NELL2: variants seen among roughly 807,000 people sequenced by gnomAD.
NELL2 encodes the protein neural EGFL like 2.
In NELL2, 41 loss-of-function variants were observed where a neutral mutation model predicts 109.6. That is an observed-to-expected ratio of 0.37 (90% CI 0.29 to 0.49). The LOEUF is 0.49. Ranked by LOEUF, NELL2 falls within the 20% of genes least tolerant of loss-of-function variation. NELL2 has a pLI of 0.98. For synonymous variants in NELL2, 355 were observed against 344.7 expected (o/e 1.03, Z -0.33); for missense variants, 900 against 1,008.3 (o/e 0.89, Z 1.45).
intron 15 of NELL2, among the ~76,000 whole-genome samples, chr12:44,555,331 A>C (rs768461422): frequency 1.3e-5 from 2 of 152,182 alleles, no homozygotes; most frequent in Non-Finnish European, 2.9e-5. Context: ...CTGGTTTTAT[A>C]GCTATTTTGG....
At chr12:44,536,885 G>A (rs1290632879) in intron 15 of NELL2, among the ~76,000 whole-genome samples, 3 of 151,816 alleles carry the variant, frequency 2.0e-5, no homozygotes, top group East Asian at 1.9e-4. Flanking sequence ...TCATACTCTG[G>A]GGATCAGTAT....
At chr12:44,518,541 G>A (rs779973706) in intron 19 of NELL2, among the ~76,000 whole-genome samples, 8 of 152,108 alleles carry the variant, frequency 5.3e-5, no homozygotes, top group Admixed American at 2.0e-4. Context: ...CACCGTGCCC[G>A]GCCTCATTCA....
chr12:44,691,247 C>T (rs1156420760), intron 12 of NELL2, among the ~76,000 whole-genome samples: 2 of 152,156 alleles, frequency 1.3e-5, no homozygotes, highest in Non-Finnish European at 2.9e-5. Context: ...TTCATGTCTC[C>T]ATGTCACGTT....
intron 2 of NELL2, among the ~76,000 whole-genome samples, chr12:44,847,659 A>G (rs561149869): frequency 1.3e-5 from 2 of 151,880 alleles, no homozygotes; most frequent in South Asian, 4.2e-4. Flanking sequence ...TTTTTAACCC[A>G]CTCCATGCAA....
chr12:44,856,126 G>T (rs966199783), intron 2 of NELL2, among the ~76,000 whole-genome samples: 1 of 152,216 alleles, frequency 6.6e-6, no homozygotes, highest in Non-Finnish European at 1.5e-5. Flanking sequence ...GCTACAAGAA[G>T]AAACAATGCA....
chr12:44,681,289 T>TA (rs199930139), intron 12 of NELL2, among the ~76,000 whole-genome samples: 3,631 of 150,444 alleles, frequency 0.024, 139 homozygotes, highest in African/African-American at 0.082. Context: ...GTTTTTTTTT[T>TA]AACGTTGAAA....
chr12:44,795,081 C>T (rs1285176902), intron 3 of NELL2, among the ~76,000 whole-genome samples: 2 of 152,076 alleles, frequency 1.3e-5, no homozygotes, highest in African/African-American at 4.8e-5. Flanking sequence ...TTTTAACAAC[C>T]TCCTTCATCA....
At chr12:44,869,529 T>C (rs1945103357) in intron 2 of NELL2, among the ~76,000 whole-genome samples, 1 of 152,156 alleles carries the variant, frequency 6.6e-6, no homozygotes, top group Non-Finnish European at 1.5e-5. Context: ...AGCAGCAATT[T>C]TACTGCCATA....
chr12:44,913,390 A>G (rs867359876), intron 1 of NELL2, among the ~76,000 whole-genome samples: 8 of 152,232 alleles, frequency 5.3e-5, no homozygotes, highest in Non-Finnish European at 1.0e-4. Context: ...TTTTTTCTTT[A>G]TACTTCTTCC....
At chr12:44,622,681 G>A (rs1946102071) in intron 13 of NELL2, among the ~76,000 whole-genome samples, 1 of 152,106 alleles carries the variant, frequency 6.6e-6, no homozygotes, top group South Asian at 2.1e-4. Flanking sequence ...AGTTGGATCA[G>A]ATACTACTTT....
At chr12:44,617,215 G>GA (rs1945852565) in intron 13 of NELL2, among the ~76,000 whole-genome samples, 1 of 152,028 alleles carries the variant, frequency 6.6e-6, no homozygotes, top group South Asian at 2.1e-4. Flanking sequence ...AGATAAAGTA[G>GA]AAAAAATGAG....
chr12:44,528,056 T>C (rs1028480784), intron 16 of NELL2, among the ~76,000 whole-genome samples: 9 of 114,750 alleles, frequency 7.8e-5, no homozygotes, highest in East Asian at 3.0e-4. Context: ...CGAGATCGCC[T>C]CACTGCACTC....
At chr12:44,912,625 C>T (rs1454830291) in intron 1 of NELL2, among the ~76,000 whole-genome samples, 1 of 152,132 alleles carries the variant, frequency 6.6e-6, no homozygotes, top group African/African-American at 2.4e-5. Flanking sequence ...CACCACATGA[C>T]ATCATTTATT....
rs184136700 is a variant in NELL2 at position 44,514,642 on chromosome 12, T to C, written c.2400+5363A>G. 4.6e-3 allele frequency among the ~76,000 whole-genome samples: 696 copies of C among 151,750 alleles called. 3 individuals carry two copies. The highest frequency in any genetic ancestry group is 6.6e-3 in the Non-Finnish European group (449 of 67,716). Reference sequence around the variant, plus strand: ...ATAGTGTTTAATAAGGTTCAGTATATTGTGGTTTCAGGCATCCACTTGGAG... The same window carrying C: ...ATAGTGTTTAATAAGGTTCAGTATACTGTGGTTTCAGGCATCCACTTGGAG... On this transcript the variant is annotated intron_variant, in intron 19 of 19. Transcript: ENST00000429094.
chr12:44,779,683 T>C lies in NELL2; in HGVS notation c.586A>G (p.Asn196Asp). Residue 196 changes from asparagine (N) to aspartate (D), a missense_variant, in exon 5 of 20, where the codon AAT becomes GAT. By Grantham distance (23) the Asn-to-Asp change is conservative. Transcript: ENST00000429094. ...GTTFWLGQRN[N>D]AHGYFKGIMQ... ...GATACCTTAAAATATCCATGCGCATTATTTCTCTGTCCTAGCCAAAATGTT... is the reference window on the plus strand; with the variant it reads ...GATACCTTAAAATATCCATGCGCATCATTTCTCTGTCCTAGCCAAAATGTT... 6.2e-7 allele frequency: 1 copy of C among 1,613,552 alleles called. No homozygotes were observed. The highest frequency in any genetic ancestry group is 8.5e-7 in the Non-Finnish European group (1 of 1,179,502).
upstream of NELL2, among the ~76,000 whole-genome samples, chr12:44,915,552 G>A (rs1250937897): frequency 2.0e-5 from 3 of 152,170 alleles, no homozygotes; most frequent in African/African-American, 7.2e-5. Context: ...TTCATCTTCT[G>A]TGACCATTTA....
intron 13 of NELL2, among the ~76,000 whole-genome samples, chr12:44,615,091 A>G (rs1945771331): frequency 6.6e-6 from 1 of 152,090 alleles, no homozygotes; most frequent in South Asian, 2.1e-4. Flanking sequence ...AAGCTTTAGT[A>G]AATGGATTCA....
At chr12:44,871,516 C>A (rs1314444755) in intron 2 of NELL2, among the ~76,000 whole-genome samples, 2 of 152,164 alleles carry the variant, frequency 1.3e-5, no homozygotes, top group Non-Finnish European at 2.9e-5. Context: ...AACTTCACCA[C>A]AGTAAAACAA....
chr12:44,792,124 TTAAG>T (rs1221364285), intron 3 of NELL2, among the ~76,000 whole-genome samples: 3 of 152,106 alleles, frequency 2.0e-5, no homozygotes, highest in African/African-American at 7.2e-5. Context: ...CATTGACAGG[TTAAG>T]TAAGATGAAG....
Sources: gnomAD v4.1 joint callset for allele counts (sites outside exome capture counted in the v4.1 genomes callset) on GRCh38, gnomAD v4.1.1 for gene constraint, MANE v1.5 for transcripts, NCBI Gene and HGNC (gene_info 2026-07-23, HGNC 2026-07-21) for gene names.